Variants in SLC8A2 observed in about 807,000 individuals in gnomAD.
The protein encoded by SLC8A2 is solute carrier family 8 member A2.
A neutral mutation model predicts 70.2 loss-of-function variants in SLC8A2; 14 were observed. The observed-to-expected ratio is 0.20, with a 90% CI of 0.13 to 0.31. The LOEUF (loss-of-function observed/expected upper bound fraction) is 0.31. SLC8A2 is among the 10% of genes least tolerant of loss of function. The pLI, the probability that SLC8A2 is intolerant of heterozygous loss-of-function variation, is 1.00. For synonymous variants in SLC8A2, 575 were observed against 594.3 expected, an observed-to-expected ratio of 0.97 and a Z score of 0.47; for missense variants, 779 against 1,320.1, an observed-to-expected ratio of 0.59 and a Z score of 6.35.
Position 47,437,556 on chromosome 19 carries a change from C to T in SLC8A2, c.2016G>A (p.Thr672=), listed in dbSNP as rs763270770. ...IIEESYDFKN[T]VDKLIKKTNL... is the part of the protein sequence containing the mutation. ...TCGTTTTCTTGATGAGTTTATCCAC[C>T]GTGTTCTGGGGATGAGAGGGTGGGG... Residue 672 remains threonine, a synonymous_variant, in exon 8 of 10, where the codon ACG becomes ACA. Coordinates refer to ENST00000236877, the MANE Select transcript of SLC8A2 (RefSeq NM_015063.3). The T allele has an allele frequency of 9.9e-6, 16 of 1,612,172 alleles. No individual in the cohort carries two copies. Among genetic ancestry groups the T allele is most frequent in the South Asian group, 6.6e-5 (6 of 91,048 alleles).
chr19:47,429,832 G>A lies in SLC8A2; in HGVS notation c.*257C>T. The A allele has an allele frequency of 1.7e-6, 1 of 571,580 alleles. No homozygotes were observed. The highest frequency in any genetic ancestry group is 3.1e-6 in the Non-Finnish European group (1 of 322,878). 35.4% of individuals were successfully genotyped at this position (571,580 alleles called of 1,614,324 possible). The stretch of plus-strand genomic sequence containing the variant: ...TGGAAATTTCCCCAGGGATATAGAC[G>A]GTCACCAACAGGATGGGCTGGAGTT... On this transcript the variant is annotated 3_prime_UTR_variant, in exon 10 of 10. Transcript: ENST00000236877.
At position 47,466,056 on chromosome 19, in the gene SLC8A2, G is replaced by A. The variant is rs1446511279; in HGVS notation, c.348C>T (p.Thr116=). The A allele has an allele frequency of 3.7e-6, 6 of 1,614,190 alleles. No individual in the cohort carries two copies. Among genetic ancestry groups the A allele is most frequent in the Non-Finnish European group, 2.5e-6 (3 of 1,180,034 alleles). ...TCCAGATGCGAACGGTGCCCACGCTGGTCTCACCGTTGGCCTTGGTGATGG... is the reference window on the plus strand; with the variant it reads ...TCCAGATGCGAACGGTGCCCACGCTAGTCTCACCGTTGGCCTTGGTGATGG... ...EITITKANGE[T]SVGTVRIWNE... The change falls in exon 2 of 10, where the codon ACC becomes ACT. Residue 116 remains threonine (T), a synonymous_variant. Transcript: ENST00000236877. The surrounding 1 kb of genome is among the most constrained non-coding windows in gnomAD (Gnocchi z 6.9).
intron 3 of SLC8A2, among the ~76,000 whole-genome samples, chr19:47,452,397 GGAGA>G (rs56184564): frequency 0.018 from 1,192 of 65,306 alleles, 30 homozygotes; most frequent in African/African-American, 0.033. Flanking sequence ...ATATATATAT[GGAGA>G]GAGAGAGAGA....
chr19:47,453,205 G>A (rs1005996740), intron 3 of SLC8A2, among the ~76,000 whole-genome samples: 3 of 152,324 alleles, frequency 2.0e-5, no homozygotes, highest in Non-Finnish European at 4.4e-5. Flanking sequence ...GTGTGAACCT[G>A]TGGGAAACTT....
rs2122654205 is a variant in SLC8A2 at position 47,466,466 on chromosome 19, T to G, written c.-16-47A>C. On this transcript the variant is annotated intron_variant, in intron 1 of 9. Transcript: ENST00000236877. This position sits in a 1 kb window ranked among gnomAD's most constrained non-coding sequence, Gnocchi z 6.9. ...TCTGGGTGAGGGAAGCAAACCTCTTTCTGTCATACAAAGGTCAAAGCTCAC... is the reference window on the plus strand; with the variant it reads ...TCTGGGTGAGGGAAGCAAACCTCTTGCTGTCATACAAAGGTCAAAGCTCAC... 1.5e-6 allele frequency: 1 copy of G among 664,446 alleles called. No homozygotes were observed. Among genetic ancestry groups the G allele is most frequent in the Non-Finnish European group, 2.5e-6 (1 of 397,350 alleles). 41.2% of individuals were successfully genotyped at this position (664,446 alleles called of 1,614,324 possible).
chr19:47,461,882 C>T (rs2122649855), intron 2 of SLC8A2, among the ~76,000 whole-genome samples: 1 of 152,318 alleles, frequency 6.6e-6, no homozygotes, highest in South Asian at 2.1e-4. Flanking sequence ...TGTGTCCAGC[C>T]TGGGAGGGCA....
Position 47,468,575 on chromosome 19 carries a change from A to G in SLC8A2, c.-16-2156T>C, listed in dbSNP as rs1599862014. The stretch of plus-strand genomic sequence containing the variant: ...AGTGCTGGGATCACAGGTGCGTGCC[A>G]CCGTGCCCCGCCCACTCTTCCCCTC... On this transcript the variant is annotated intron_variant, in intron 1 of 9. Transcript: ENST00000236877. This position sits in a 1 kb window ranked among gnomAD's most constrained non-coding sequence, Gnocchi z 5.1. 6.6e-6 allele frequency among the ~76,000 whole-genome samples: 1 copy of G among 152,114 alleles called. No individual in the cohort carries two copies. Among genetic ancestry groups the G allele is most frequent in the African/African-American group, 2.4e-5 (1 of 41,438 alleles).
intron 3 of SLC8A2, among the ~76,000 whole-genome samples, chr19:47,454,953 G>C (rs904198588): frequency 6.6e-6 from 1 of 152,026 alleles, no homozygotes; most frequent in Non-Finnish European, 1.5e-5. Context: ...TGGGTGTGGT[G>C]GTGGGCACCT....
chr19:47,451,580 A>T (rs1489396346), intron 3 of SLC8A2, among the ~76,000 whole-genome samples: 1 of 152,238 alleles, frequency 6.6e-6, no homozygotes, highest in Non-Finnish European at 1.5e-5. Flanking sequence ...AAGTGCTGGG[A>T]TTGCAGGCAT....
chr19:47,455,874 GGGC>G (rs1230919006), intron 3 of SLC8A2, among the ~76,000 whole-genome samples: 4 of 152,262 alleles, frequency 2.6e-5, no homozygotes, highest in South Asian at 2.1e-4. Context: ...AGAGGGACTG[GGGC>G]TGTGAGATAT....
intron 9 of SLC8A2, among the ~76,000 whole-genome samples, chr19:47,431,478 G>A (rs574641017): frequency 1.3e-4 from 19 of 150,630 alleles, no homozygotes; most frequent in South Asian, 8.7e-4. Flanking sequence ...GTGAAACCCC[G>A]TCTCTACTAA....
At chr19:47,455,641 TGAAAA>T (rs940949551) in intron 3 of SLC8A2, among the ~76,000 whole-genome samples, 1 of 152,170 alleles carries the variant, frequency 6.6e-6, no homozygotes, top group Non-Finnish European at 1.5e-5. Context: ...TGAAAATCAT[TGAAAA>T]GAACATACTG....
Position 47,448,339 on chromosome 19 carries a change from G to T in SLC8A2, c.1341-108C>A. 2 of 787,044 alleles carry T rather than the reference G, an allele frequency of 2.5e-6. No individual in the cohort carries two copies. Among genetic ancestry groups the T allele is most frequent in the Non-Finnish European group, 4.0e-6 (2 of 498,476 alleles). 48.8% of individuals were successfully genotyped at this position (787,044 alleles called of 1,614,324 possible). The stretch of plus-strand genomic sequence containing the variant: ...TCCCAGAGGAGACGTAGGTGCCATA[G>T]AAGAACTCCCAAGTATGAGGGTCGA... On this transcript the variant is annotated intron_variant, in intron 3 of 9. Transcript: ENST00000236877. This position sits in a 1 kb window ranked among gnomAD's most constrained non-coding sequence, Gnocchi z 4.8.
intron 4 of SLC8A2, among the ~76,000 whole-genome samples, chr19:47,442,209 G>A (rs77268107): frequency 0.017 from 2,548 of 152,276 alleles, 28 homozygotes; most frequent in Non-Finnish European, 0.028. Context: ...CTGCACTCCA[G>A]CCCAGCCACT....
At chr19:47,431,668 A>C (rs562568412) in intron 9 of SLC8A2, among the ~76,000 whole-genome samples, 50 of 135,982 alleles carry the variant, frequency 3.7e-4, no homozygotes, top group African/African-American at 1.1e-3. Flanking sequence ...AAAAAAAAAA[A>C]AAAAAAAAAA....
intron 3 of SLC8A2, among the ~76,000 whole-genome samples, chr19:47,455,798 C>T (rs1463090918): frequency 6.6e-6 from 1 of 152,142 alleles, no homozygotes; most frequent in Non-Finnish European, 1.5e-5. Context: ...ATCTGGCACA[C>T]AGTAGGTGCT....
intron 1 of SLC8A2, among the ~76,000 whole-genome samples, chr19:47,469,658 A>C (rs1967508964): frequency 6.6e-6 from 1 of 152,186 alleles, no homozygotes; most frequent in Non-Finnish European, 1.5e-5. Context: ...ATGAATGACC[A>C]AGAGGTCTGA....
Position 47,430,530 on chromosome 19 carries a change from C to T in SLC8A2, c.2390-65G>A. The T allele has an allele frequency of 6.8e-7, 1 of 1,461,042 alleles. No individual in the cohort carries two copies. The highest frequency in any genetic ancestry group is 9.1e-7 in the Non-Finnish European group (1 of 1,103,720). The allele number at this position is 1,461,042 out of a possible 1,614,324, so 90.5% of individuals were successfully genotyped here. On this transcript the variant is annotated intron_variant, in intron 9 of 9. Transcript: ENST00000236877. The surrounding 1 kb of genome is among the most constrained non-coding windows in gnomAD (Gnocchi z 5.9). Reference sequence around the variant, plus strand: ...CGCCACCCACAGGGGCGGGCATCCGCCTGCCCCCTCCCAGCCTTTCCCGGT... The same window carrying T: ...CGCCACCCACAGGGGCGGGCATCCGTCTGCCCCCTCCCAGCCTTTCCCGGT...
At chr19:47,461,836 C>T (rs1021538778) in intron 2 of SLC8A2, among the ~76,000 whole-genome samples, 8 of 152,144 alleles carry the variant, frequency 5.3e-5, no homozygotes, top group East Asian at 1.9e-4. Context: ...TGATTCTAGC[C>T]GATTCACAAT....
Sources: allele counts gnomAD v4.1 joint callset (sites outside exome capture counted in the v4.1 genomes callset), GRCh38; gene constraint gnomAD v4.1.1; non-coding constraint Gnocchi (gnomAD v3.1); transcripts MANE v1.5; gene names NCBI Gene and HGNC (gene_info 2026-07-23, HGNC 2026-07-21).